The following CHODL variants were observed in gnomAD, a reference collection of about 807,000 sequenced individuals.
CHODL encodes chondrolectin.
CHODL carries 29 observed loss-of-function variants against 34.5 expected under a neutral mutation model. That is an observed-to-expected ratio of 0.84 (90% CI 0.63 to 1.15). CHODL has a LOEUF of 1.15. Ranked by LOEUF, CHODL falls within the 50% of genes most tolerant of loss-of-function variation. The pLI is 0.00. For synonymous variants in CHODL, 125 were observed against 116.1 expected (o/e 1.08, Z -0.49); for missense variants, 332 against 332.5 (o/e 1.00, Z 0.01).
At chr21:18,040,092 A>G (rs893644331) in intron 2 of CHODL, among the ~76,000 whole-genome samples, 1 of 151,874 alleles carries the variant, frequency 6.6e-6, no homozygotes, top group Non-Finnish European at 1.5e-5. Context: ...CAAACCTCTT[A>G]TCATAATTGA....
chr21:18,261,438 G>T (rs936091356), intron 4 of CHODL, among the ~76,000 whole-genome samples: 1 of 152,076 alleles, frequency 6.6e-6, no homozygotes, highest in African/African-American at 2.4e-5. Flanking sequence ...GGCTGAGGCA[G>T]GTGGGTCACC....
intron 2 of CHODL, among the ~76,000 whole-genome samples, chr21:18,072,908 G>A (rs2064822575): frequency 6.6e-6 from 1 of 152,094 alleles, no homozygotes. Flanking sequence ...TCATTACAAT[G>A]ACATTTGAAA....
chr21:18,189,330 CAAGT>C (rs144079516), intron 2 of CHODL, among the ~76,000 whole-genome samples: 10,643 of 152,236 alleles, frequency 0.07, 463 homozygotes, highest in South Asian at 0.16. Context: ...ATTGTACAAG[CAAGT>C]GAGATTTAAA....
chr21:18,089,760 A>C (rs957222752), intron 2 of CHODL, among the ~76,000 whole-genome samples: 1 of 151,910 alleles, frequency 6.6e-6, no homozygotes, highest in Non-Finnish European at 1.5e-5. Context: ...ACTTACAACA[A>C]AGAAGAGGAT....
At position 18,256,517 on chromosome 21, in the gene CHODL, G is replaced by A. The variant is rs556962391; in HGVS notation, c.88G>A (p.Val30Met). 35 of 1,602,338 alleles carry A rather than the reference G, an allele frequency of 2.2e-5. No homozygotes were observed. The highest frequency in any genetic ancestry group is 2.6e-5 in the Non-Finnish European group (31 of 1,173,992). ...CTTTTTTTTTTTTTCAGGCCAAAAG[G>A]TGTGTTTTGCTGACTTCAAGCATCC... ...FCRRVVSGQK[V>M]CFADFKHPCY... The change falls in exon 2 of 6, where the codon GTG (valine) becomes ATG (methionine). Residue 30 changes from valine (V) to methionine (M), a missense_variant. By Grantham distance (21) the Val-to-Met change is conservative (BLOSUM62 1). Coordinates refer to ENST00000299295, the MANE Select transcript of CHODL (RefSeq NM_024944.3).
intron 2 of CHODL, among the ~76,000 whole-genome samples, chr21:18,077,728 C>T (rs142058327): frequency 6.6e-5 from 10 of 152,244 alleles, no homozygotes; most frequent in African/African-American, 2.4e-4. Context: ...TCACCAAACG[C>T]TGAATCTGCC....
intron 1 of CHODL, among the ~76,000 whole-genome samples, chr21:17,971,379 A>T (rs1290934134): frequency 3.3e-5 from 5 of 152,094 alleles, no homozygotes; most frequent in African/African-American, 1.2e-4. Context: ...ATTTCTCCAC[A>T]TCCTCTCCAG....
chr21:18,003,937 T>C (rs538305696), intron 1 of CHODL, among the ~76,000 whole-genome samples: 2 of 152,126 alleles, frequency 1.3e-5, no homozygotes, highest in Non-Finnish European at 2.9e-5. Flanking sequence ...ATTACAGAGG[T>C]ATAATCACTA....
chr21:17,946,200 G>A (rs1240754196), intron 1 of CHODL, among the ~76,000 whole-genome samples: 2 of 152,172 alleles, frequency 1.3e-5, no homozygotes, highest in Non-Finnish European at 2.9e-5. Flanking sequence ...GGCGGATCAC[G>A]AGGGCAGGAG....
rs750824091 is a variant in CHODL at position 18,262,879 on chromosome 21, G to A, written c.723G>A (p.Gln241=). 1 of 1,597,164 alleles carries A rather than the reference G, an allele frequency of 6.3e-7. No individual in the cohort carries two copies. Among genetic ancestry groups the A allele is most frequent in the South Asian group, 1.1e-5 (1 of 90,700 alleles). The change falls in exon 5 of 6, where the codon CAG becomes CAA. Residue 241 remains glutamine, a synonymous_variant. Coordinates refer to ENST00000299295, the MANE Select transcript of CHODL (RefSeq NM_024944.3). ...TTGCTTTTGGAACCTGTTGTTTCCAGATGCTGCATAAAAGGTAAATAACTC... is the reference window on the plus strand; with the variant it reads ...TTGCTTTTGGAACCTGTTGTTTCCAAATGCTGCATAAAAGGTAAATAACTC... ...ILVAFGTCCF[Q]MLHKSKGRTK...
intron 2 of CHODL, among the ~76,000 whole-genome samples, chr21:18,137,675 C>T (rs201775352): frequency 6.6e-6 from 1 of 152,140 alleles, no homozygotes; most frequent in East Asian, 1.9e-4. Flanking sequence ...GAAGCAGATG[C>T]TGCCTTTGCC....
intron 2 of CHODL, among the ~76,000 whole-genome samples, chr21:18,058,927 C>T (rs1043010659): frequency 1.4e-4 from 21 of 152,240 alleles, no homozygotes; most frequent in Middle Eastern, 3.4e-3. Context: ...GCAGTCTTAT[C>T]AGTGCTCCTT....
At chr21:18,115,631 C>T (rs565044664) in intron 2 of CHODL, among the ~76,000 whole-genome samples, 1 of 152,304 alleles carries the variant, frequency 6.6e-6, no homozygotes, top group South Asian at 2.1e-4. Flanking sequence ...TGTTCTTCTG[C>T]CTTCCTCTCT....
chr21:18,101,922 G>A (rs2065219849), intron 2 of CHODL, among the ~76,000 whole-genome samples: 1 of 151,962 alleles, frequency 6.6e-6, no homozygotes, highest in African/African-American at 2.4e-5. Flanking sequence ...CAGATGAAGT[G>A]TCCAAAATTA....
chr21:18,160,435 C>T (rs2146641964), intron 2 of CHODL, among the ~76,000 whole-genome samples: 1 of 152,066 alleles, frequency 6.6e-6, no homozygotes, highest in East Asian at 1.9e-4. Flanking sequence ...TATTTCATCA[C>T]CCAGGTATTA....
chr21:18,229,736 A>G (rs2073962314), intron 2 of CHODL, among the ~76,000 whole-genome samples: 1 of 152,070 alleles, frequency 6.6e-6, no homozygotes, highest in African/African-American at 2.4e-5. Flanking sequence ...CACAGAATGT[A>G]TTCACCCCTA....
At chr21:18,087,187 C>T (rs1446093328) in intron 2 of CHODL, among the ~76,000 whole-genome samples, 1 of 152,132 alleles carries the variant, frequency 6.6e-6, no homozygotes, top group African/African-American at 2.4e-5. Flanking sequence ...CCAGAGAGGG[C>T]CCCACACTCA....
chr21:18,094,524 A>C (rs2065114325), intron 2 of CHODL, among the ~76,000 whole-genome samples: 1 of 152,192 alleles, frequency 6.6e-6, no homozygotes, highest in Non-Finnish European at 1.5e-5. Flanking sequence ...ACGATAATGG[A>C]ATAAAACTAG....
At chr21:17,938,739 A>G (rs1158322184) in intron 1 of CHODL, among the ~76,000 whole-genome samples, 1 of 151,750 alleles carries the variant, frequency 6.6e-6, no homozygotes. Flanking sequence ...GTGCCTCCCA[A>G]AGTGCTGGGA....
Sources: allele counts gnomAD v4.1 joint callset (sites outside exome capture counted in the v4.1 genomes callset), GRCh38; gene constraint gnomAD v4.1.1; transcripts MANE v1.5; gene names NCBI Gene and HGNC (gene_info 2026-07-23, HGNC 2026-07-21).